Variants in FER observed in about 807,000 individuals in gnomAD.
FER encodes the protein FER tyrosine kinase.
Under a neutral mutation model 111.0 loss-of-function variants are expected in FER, and 63 were observed. The ratio of observed to expected loss-of-function variants is 0.57; its 90% confidence interval spans 0.46 to 0.70. FER has a LOEUF of 0.70. Among genes scored for constraint, FER ranks in the 30% least tolerant of loss-of-function variants. FER has a pLI of 0.00. For missense variants in FER, 914 were observed against 954.0 expected, an observed-to-expected ratio of 0.96 and a Z score of 0.55; for synonymous variants, 327 against 313.9, an observed-to-expected ratio of 1.04 and a Z score of -0.44.
intron 10 of FER, among the ~76,000 whole-genome samples, chr5:108,924,389 A>C (rs986410009): frequency 6.6e-6 from 1 of 150,796 alleles, no homozygotes; most frequent in African/African-American, 2.4e-5. Context: ...AAAATCAAGT[A>C]GAACAGAGAT....
chr5:108,983,401 T>C (rs1440390551), intron 13 of FER, among the ~76,000 whole-genome samples: 2 of 152,148 alleles, frequency 1.3e-5, no homozygotes, highest in African/African-American at 4.8e-5. Context: ...TTTGTGCTTT[T>C]GGTTTAAACC....
intron 10 of FER, among the ~76,000 whole-genome samples, chr5:108,904,950 T>C (rs967540641): frequency 2.6e-5 from 4 of 152,116 alleles, no homozygotes; most frequent in African/African-American, 9.7e-5. Flanking sequence ...ACACCTAAAG[T>C]ATATTTACAG....
intron 6 of FER, among the ~76,000 whole-genome samples, chr5:108,868,417 A>G (rs981248298): frequency 1.3e-5 from 2 of 152,102 alleles, no homozygotes; most frequent in African/African-American, 2.4e-5. Context: ...GCTTAGGGAT[A>G]TAGAGATGAG....
intron 5 of FER, among the ~76,000 whole-genome samples, chr5:108,838,131 T>G (rs1760861122): frequency 6.6e-6 from 1 of 152,218 alleles, no homozygotes; most frequent in South Asian, 2.1e-4. Flanking sequence ...AATTTATGTT[T>G]CAAACTGCTT....
At chr5:108,822,437 G>T (rs995084821) in intron 3 of FER, among the ~76,000 whole-genome samples, 1 of 152,140 alleles carries the variant, frequency 6.6e-6, no homozygotes. Context: ...CCTGGCTTCC[G>T]GTGAGAACTA....
chr5:108,801,650 C>A (rs1756660805), intron 3 of FER, among the ~76,000 whole-genome samples: 1 of 152,148 alleles, frequency 6.6e-6, no homozygotes, highest in Non-Finnish European at 1.5e-5. Flanking sequence ...TTCAAAGGTG[C>A]AAATTTCCTT....
chr5:109,084,771 A>G (rs910289416), intron 16 of FER, among the ~76,000 whole-genome samples: 6 of 151,776 alleles, frequency 4.0e-5, no homozygotes, highest in African/African-American at 1.5e-4. Context: ...AATTTCACCT[A>G]TGATGTTACC....
At position 109,005,773 on chromosome 5, in the gene FER, C is replaced by A. The variant is rs113741836; in HGVS notation, c.1657-31649C>A. Among the ~76,000 whole-genome samples the A allele has an allele frequency of 8.3e-3, 1,265 of 152,260 alleles. 16 individuals carry two copies. The highest frequency in any genetic ancestry group is 0.029 in the African/African-American group (1,201 of 41,524). ...AGTTGAAGTTCCTTAGCAGCAAGGACCATGTGTTCTGCCTTCCTGTGCTTT... is the reference window on the plus strand; with the variant it reads ...AGTTGAAGTTCCTTAGCAGCAAGGAACATGTGTTCTGCCTTCCTGTGCTTT... On this transcript the variant is annotated intron_variant, in intron 13 of 19. Coordinates refer to ENST00000281092, the MANE Select transcript of FER (RefSeq NM_005246.4).
In FER at chr5:108,835,772, C is replaced by A. The variant is rs1015026929; in HGVS notation, c.446C>A (p.Ser149Tyr). 6.4e-7 allele frequency: 1 copy of A among 1,563,342 alleles called. No homozygotes were observed. The highest frequency in any genetic ancestry group is 8.6e-7 in the Non-Finnish European group (1 of 1,162,860). ...AGACAATTAATAAAAGAAATGAATT[C>A]TGCCAAAGAGAAATATAAAGAAGCT... ...SYRQLIKEMN[S>Y]AKEKYKEALA... is the part of the protein sequence containing the mutation. The change falls in exon 5 of 20, where the codon TCT becomes TAT. Residue 149 changes from serine to tyrosine, a missense_variant. Ser to Tyr is a moderately radical substitution (Grantham distance 144). This residue lies in a region of FER where 774 missense variants were observed against 782.6 expected (regional missense o/e 0.99). Transcript: ENST00000281092.
intron 16 of FER, among the ~76,000 whole-genome samples, chr5:109,085,557 T>C (rs1777473573): frequency 6.6e-6 from 1 of 151,536 alleles, no homozygotes; most frequent in Non-Finnish European, 1.5e-5. Context: ...TTCTGAATTA[T>C]AGCACTGGGA....
chr5:109,024,675 C>T (rs1240909723), intron 13 of FER, among the ~76,000 whole-genome samples: 1 of 152,128 alleles, frequency 6.6e-6, no homozygotes, highest in Non-Finnish European at 1.5e-5. Flanking sequence ...CTTTCTTTTT[C>T]ATATTGTCAC....
chr5:109,088,015 T>C (rs1267484375), intron 16 of FER, among the ~76,000 whole-genome samples: 2 of 151,966 alleles, frequency 1.3e-5, no homozygotes, highest in African/African-American at 4.8e-5. Flanking sequence ...TCATATGCAT[T>C]TACAAATCAA....
At chr5:108,794,593 C>T (rs1009552746) in intron 2 of FER, among the ~76,000 whole-genome samples, 5 of 141,980 alleles carry the variant, frequency 3.5e-5, no homozygotes, top group African/African-American at 1.3e-4. Flanking sequence ...AATCCTTCAG[C>T]TTTTGTTTGT....
intron 5 of FER, among the ~76,000 whole-genome samples, chr5:108,851,816 C>T (rs1004029633): frequency 6.6e-6 from 1 of 152,118 alleles, no homozygotes. Flanking sequence ...TTTATGTTTA[C>T]CAAGCCTCAA....
intron 10 of FER, among the ~76,000 whole-genome samples, chr5:108,933,602 T>A (rs895933676): frequency 1.1e-4 from 17 of 152,362 alleles, no homozygotes; most frequent in African/African-American, 4.1e-4. Context: ...CATATGAAAT[T>A]TAAACTAGTT....
At chr5:108,836,087 ATATT>A (rs1251819593) in intron 5 of FER, among the ~76,000 whole-genome samples, 1 of 152,076 alleles carries the variant, frequency 6.6e-6, no homozygotes, top group African/African-American at 2.4e-5. Flanking sequence ...CTCTTGCATC[ATATT>A]TACTTATTTA....
chr5:109,062,022 T>TTTGCATGCTTGCTTGC (rs1774478753), intron 16 of FER, among the ~76,000 whole-genome samples: 1 of 150,536 alleles, frequency 6.6e-6, no homozygotes, highest in African/African-American at 2.5e-5. Flanking sequence ...TTATGAATAC[T>TTTGCATGCTTGCTTGC]TTGCTTGCTT....
chr5:108,993,731 T>C (rs1170983786), intron 13 of FER, among the ~76,000 whole-genome samples: 1 of 151,984 alleles, frequency 6.6e-6, no homozygotes, highest in Non-Finnish European at 1.5e-5. Context: ...GTTAATCACT[T>C]GGGTGATTCC....
intron 2 of FER, among the ~76,000 whole-genome samples, chr5:108,782,461 T>C (rs1251877752): frequency 6.6e-6 from 1 of 152,166 alleles, no homozygotes; most frequent in East Asian, 1.9e-4. Context: ...CAAAATATTT[T>C]ACTTTTGATG....
Sources: allele counts gnomAD v4.1 joint callset (sites outside exome capture counted in the v4.1 genomes callset), GRCh38; gene constraint gnomAD v4.1.1; regional missense constraint gnomAD v4.1.1; transcripts MANE v1.5; gene names NCBI Gene and HGNC (gene_info 2026-07-23, HGNC 2026-07-21).